VDAC1: variants seen among roughly 807,000 people sequenced by gnomAD.
VDAC1 encodes the protein voltage dependent anion channel 1.
A neutral mutation model predicts 34.7 loss-of-function variants in VDAC1; 10 were observed. The observed-to-expected ratio is 0.29, with a 90% CI of 0.18 to 0.49. VDAC1 has a LOEUF of 0.49. Among genes scored for constraint, VDAC1 ranks in the 20% least tolerant of loss-of-function variants. VDAC1 has a pLI of 0.99. For synonymous variants in VDAC1, 130 were observed against 136.0 expected, an observed-to-expected ratio of 0.96 and a Z score of 0.30; for missense variants, 230 against 347.9, an observed-to-expected ratio of 0.66 and a Z score of 2.69.
the VDAC1 span, among the ~76,000 whole-genome samples, chr5:134,010,125 A>G: frequency 6.6e-6 from 1 of 152,244 alleles, no homozygotes; most frequent in South Asian, 2.1e-4. Flanking sequence ...ATATGCGATC[A>G]GAATCATAAT....
the VDAC1 span, among the ~76,000 whole-genome samples, chr5:134,067,642 A>C: frequency 8.2e-6 from 1 of 122,586 alleles, no homozygotes; most frequent in Admixed American, 8.9e-5. Flanking sequence ...GGAGAAGGAG[A>C]AGGGGAGGCG....
the VDAC1 span, among the ~76,000 whole-genome samples, chr5:134,078,590 G>A: frequency 6.6e-6 from 1 of 151,592 alleles, no homozygotes; most frequent in Non-Finnish European, 1.5e-5. Context: ...TTGCCACATA[G>A]CAGGTGTGCA....
chr5:134,054,389 T>C, the VDAC1 span, among the ~76,000 whole-genome samples: 1 of 152,132 alleles, frequency 6.6e-6, no homozygotes, highest in Admixed American at 6.5e-5. Flanking sequence ...ACTCTCCCTG[T>C]TGAGAACTGA....
At chr5:134,094,269 G>GC in the VDAC1 span, among the ~76,000 whole-genome samples, 1 of 152,222 alleles carries the variant, frequency 6.6e-6, no homozygotes, top group Non-Finnish European at 1.5e-5. Flanking sequence ...GCATACCTGG[G>GC]CAGTCAGAGG....
chr5:134,071,164 C>G, the VDAC1 span, among the ~76,000 whole-genome samples: 3 of 152,360 alleles, frequency 2.0e-5, no homozygotes, highest in South Asian at 4.1e-4. The surrounding 1 kb of genome is among the most constrained non-coding windows in gnomAD (Gnocchi z 4.1). Context: ...ATCCTCGGCC[C>G]AGCCTTCCTG....
At chr5:134,101,844 C>CA in the VDAC1 span, among the ~76,000 whole-genome samples, 2 of 152,236 alleles carry the variant, frequency 1.3e-5, no homozygotes, top group African/African-American at 4.8e-5. Flanking sequence ...AACTGCTGAG[C>CA]AGCTGCCAGG....
chr5:133,973,234 T>C (rs916863736), intron 8 of VDAC1, among the ~76,000 whole-genome samples: 12 of 152,214 alleles, frequency 7.9e-5, no homozygotes, highest in African/African-American at 2.7e-4. Flanking sequence ...GTCTTACATG[T>C]TCATGTTCAT....
At chr5:134,090,647 A>AG in the VDAC1 span, among the ~76,000 whole-genome samples, 1 of 152,144 alleles carries the variant, frequency 6.6e-6, no homozygotes, top group African/African-American at 2.4e-5. Context: ...CCTCCGCTCA[A>AG]GGTCGCAGCC....
At chr5:134,079,354 G>C in the VDAC1 span, among the ~76,000 whole-genome samples, 1 of 152,206 alleles carries the variant, frequency 6.6e-6, no homozygotes, top group Non-Finnish European at 1.5e-5. Context: ...ACACAGTGAG[G>C]AGAGAGTGGC....
intron 1 of VDAC1, among the ~76,000 whole-genome samples, chr5:134,003,923 G>C (rs995842925): frequency 6.6e-6 from 1 of 152,232 alleles, no homozygotes; most frequent in Non-Finnish European, 1.5e-5. Context: ...CGCATTTGGC[G>C]AATGAATGAA....
chr5:134,033,742 C>T, the VDAC1 span, among the ~76,000 whole-genome samples: 3 of 151,460 alleles, frequency 2.0e-5, no homozygotes, highest in East Asian at 1.9e-4. Flanking sequence ...CCTGTAATCC[C>T]ACCACTTTGG....
chr5:134,064,524 G>A, the VDAC1 span, among the ~76,000 whole-genome samples: 2 of 151,736 alleles, frequency 1.3e-5, no homozygotes, highest in Non-Finnish European at 2.9e-5. Context: ...GGCTGGTCTC[G>A]AACTCCTGAC....
the VDAC1 span, among the ~76,000 whole-genome samples, chr5:134,063,476 T>C: frequency 1.0e-3 from 153 of 152,342 alleles, no homozygotes; most frequent in African/African-American, 3.4e-3. Context: ...AGATTTGTTA[T>C]AATTTGGCCA....
chr5:134,001,850 G>A (rs1414150884), intron 1 of VDAC1, among the ~76,000 whole-genome samples: 3 of 151,976 alleles, frequency 2.0e-5, no homozygotes, highest in Non-Finnish European at 4.4e-5. Flanking sequence ...TTCCAGCACA[G>A]TTCTGAGTAA....
At chr5:134,068,675 T>TTA in the VDAC1 span, among the ~76,000 whole-genome samples, 2 of 152,188 alleles carry the variant, frequency 1.3e-5, no homozygotes, top group African/African-American at 2.4e-5. Context: ...ATAAAGTGAT[T>TTA]TATATTTTCT....
chr5:134,099,574 C>T, the VDAC1 span, among the ~76,000 whole-genome samples: 1 of 152,116 alleles, frequency 6.6e-6, no homozygotes, highest in African/African-American at 2.4e-5. Flanking sequence ...TCTCAACCAC[C>T]TTCTTTTTTT....
chr5:134,023,641 T>C, the VDAC1 span, among the ~76,000 whole-genome samples: 1 of 152,120 alleles, frequency 6.6e-6, no homozygotes, highest in African/African-American at 2.4e-5. Flanking sequence ...GGCCAGGCCC[T>C]CTTCTAGGTG....
At chr5:134,049,286 G>A in the VDAC1 span, among the ~76,000 whole-genome samples, 1 of 152,050 alleles carries the variant, frequency 6.6e-6, no homozygotes, top group Non-Finnish European at 1.5e-5. Flanking sequence ...TAGAGATAAG[G>A]TCTGTCTATG....
chr5:134,026,122 C>G, the VDAC1 span, among the ~76,000 whole-genome samples: 1 of 152,134 alleles, frequency 6.6e-6, no homozygotes, highest in Non-Finnish European at 1.5e-5. Context: ...AACATCCAAG[C>G]CCTGAATTAG....
Sources: allele counts gnomAD v4.1 joint callset (sites outside exome capture counted in the v4.1 genomes callset), GRCh38; gene constraint gnomAD v4.1.1; non-coding constraint Gnocchi (gnomAD v3.1); transcripts MANE v1.5; gene names NCBI Gene and HGNC (gene_info 2026-07-23, HGNC 2026-07-21).